The following KIF13B variants were observed in gnomAD, a reference collection of about 807,000 sequenced individuals.
KIF13B encodes the protein kinesin-like protein KIF13B.
Under a neutral mutation model 222.0 loss-of-function variants are expected in KIF13B, and 127 were observed. The observed-to-expected ratio is 0.57, with a 90% CI of 0.50 to 0.66. The LOEUF (loss-of-function observed/expected upper bound fraction) is 0.66, where lower values mean the gene tolerates loss of function less well. KIF13B is among the 30% of genes least tolerant of loss of function. The pLI is 0.00. For synonymous variants in KIF13B, 976 were observed against 919.0 expected, an observed-to-expected ratio of 1.06 and a Z score of -1.12; for missense variants, 2,173 against 2,379.0, an observed-to-expected ratio of 0.91 and a Z score of 1.80.
At chr8:29,211,079 G>A (rs968996259) in intron 2 of KIF13B, among the ~76,000 whole-genome samples, 8 of 152,222 alleles carry the variant, frequency 5.3e-5, no homozygotes, top group South Asian at 2.1e-4. Context: ...TGTGCTTTCC[G>A]TAAGACTGAG....
rs377446510 is a variant in KIF13B at position 29,092,846 on chromosome 8, G to C, written c.4357C>G (p.Pro1453Ala). ...ATTTGCGGCACGAAGGATTTGACAG[G>C]ATTCAAGTAGGATGCTGCAAGGTTA... ...LSNLAASYLN[P>A]VKSFVPQMPK... Residue 1453 changes from proline (P) to alanine (A), a missense_variant, in exon 37 of 40, where the codon CCT (proline) becomes GCT (alanine). Transcript: ENST00000524189. 6.2e-7 allele frequency: 1 copy of C among 1,612,060 alleles called. No individual in the cohort carries two copies. Among genetic ancestry groups the C allele is most frequent in the African/African-American group, 1.3e-5 (1 of 74,892 alleles).
In KIF13B at chr8:29,122,621, G is replaced by A. The variant is rs759109548; in HGVS notation, c.3505C>T (p.His1169Tyr). ...EWTPVPGMET[H>Y]IPVIFLDLNA... ...AAGTCCAGGAATATAACAGGAATGTGTGTCTCCATCCCAGGTACTGGGGTC... is the reference window on the plus strand; with the variant it reads ...AAGTCCAGGAATATAACAGGAATGTATGTCTCCATCCCAGGTACTGGGGTC... Residue 1169 changes from histidine to tyrosine, a missense_variant, in exon 29 of 40, where the codon CAC becomes TAC. By Grantham distance (83) the His-to-Tyr change is moderately conservative. Transcript: ENST00000524189. The A allele has an allele frequency of 7.6e-5, 123 of 1,610,098 alleles. No homozygotes were observed. The highest frequency in any genetic ancestry group is 1.0e-4 in the Non-Finnish European group (120 of 1,178,186).
chr8:29,231,692 T>G (rs1397122628), intron 2 of KIF13B, among the ~76,000 whole-genome samples: 2 of 152,202 alleles, frequency 1.3e-5, no homozygotes, highest in Non-Finnish European at 2.9e-5. Flanking sequence ...CCGATTCTTA[T>G]GACAGTTTGC....
At chr8:29,260,502 ATAATAC>A (rs1816640408) in intron 1 of KIF13B, among the ~76,000 whole-genome samples, 1 of 152,240 alleles carries the variant, frequency 6.6e-6, no homozygotes, top group Non-Finnish European at 1.5e-5. Flanking sequence ...ACAGTATTAC[ATAATAC>A]TAATAACTGT....
Position 29,071,557 on chromosome 8 carries a change from G to T in KIF13B, c.5218+63C>A. 7.0e-7 allele frequency: 1 copy of T among 1,430,248 alleles called. No homozygotes were observed. The highest frequency in any genetic ancestry group is 9.5e-7 in the Non-Finnish European group (1 of 1,049,472). 88.6% of individuals were successfully genotyped at this position (1,430,248 alleles called of 1,614,324 possible). On this transcript the variant is annotated intron_variant, in intron 39 of 39. Coordinates refer to ENST00000524189, the MANE Select transcript of KIF13B (RefSeq NM_015254.4). This position sits in a 1 kb window ranked among gnomAD's most constrained non-coding sequence, Gnocchi z 4.9. ...CCGGACCCTGTCCCCTCCCAGGCCGGCCACGTTCCTGCTTCCCCAGACCCC... is the reference window on the plus strand; with the variant it reads ...CCGGACCCTGTCCCCTCCCAGGCCGTCCACGTTCCTGCTTCCCCAGACCCC...
At chr8:29,193,071 G>A (rs1035063725) in intron 3 of KIF13B, among the ~76,000 whole-genome samples, 2 of 152,044 alleles carry the variant, frequency 1.3e-5, no homozygotes, top group Non-Finnish European at 2.9e-5. Context: ...GGTGAGGATC[G>A]GCACACCTGC....
chr8:29,141,144 C>G (rs999551489), intron 19 of KIF13B, among the ~76,000 whole-genome samples: 1 of 151,956 alleles, frequency 6.6e-6, no homozygotes, highest in Non-Finnish European at 1.5e-5. Flanking sequence ...GACCAGCCTG[C>G]CCAACATGGT....
At chr8:29,204,040 A>G (rs1189555096) in intron 2 of KIF13B, among the ~76,000 whole-genome samples, 2 of 152,168 alleles carry the variant, frequency 1.3e-5, no homozygotes, top group African/African-American at 2.4e-5. Context: ...CCTGTGTCCA[A>G]TCCCACTCAG....
chr8:29,097,969 A>G (rs747929197), intron 36 of KIF13B, among the ~76,000 whole-genome samples: 1 of 151,594 alleles, frequency 6.6e-6, no homozygotes, highest in Non-Finnish European at 1.5e-5. Flanking sequence ...CAGGAGATAG[A>G]GACCAACCTG....
At chr8:29,144,481 C>T (rs1026447194) in intron 18 of KIF13B, among the ~76,000 whole-genome samples, 29 of 152,280 alleles carry the variant, frequency 1.9e-4, no homozygotes, top group African/African-American at 5.5e-4. Context: ...TGGTCTCGAA[C>T]TCCTGACCTC....
In KIF13B at chr8:29,228,471, A is replaced by AT. The variant is rs1233967806; in HGVS notation, c.149+16874_149+16875insA. Among the ~76,000 whole-genome samples the AT allele has an allele frequency of 2.2e-3, 255 of 114,916 alleles. 7 individuals are homozygous for AT. Among genetic ancestry groups the AT allele is most frequent in the African/African-American group, 6.8e-3 (234 of 34,276 alleles). 75.4% of individuals were successfully genotyped at this position (114,916 alleles called of 152,430 possible). A position where few individuals can be genotyped will look rare whatever the true frequency, so the allele number is the denominator to read the frequency against. On this transcript the variant is annotated intron_variant, in intron 2 of 39. Transcript: ENST00000524189. Reference sequence around the variant, plus strand: ...GACAGAGCCAGACTCCATCTTAAAAAAATATATATATATATATATGAGATA... The same window carrying AT: ...GACAGAGCCAGACTCCATCTTAAAAATAATATATATATATATATATGAGATA...
At chr8:29,103,289 A>G (rs928886509) in intron 35 of KIF13B, among the ~76,000 whole-genome samples, 1 of 151,722 alleles carries the variant, frequency 6.6e-6, no homozygotes, top group Non-Finnish European at 1.5e-5. Flanking sequence ...AAAAAAAATG[A>G]TTTTGTCTTG....
At chr8:29,076,411 C>CT (rs546132352) in intron 37 of KIF13B, among the ~76,000 whole-genome samples, 19 of 152,354 alleles carry the variant, frequency 1.2e-4, no homozygotes, top group African/African-American at 4.3e-4. Context: ...GACTCCACGT[C>CT]TCCCACCTCC....
intron 2 of KIF13B, among the ~76,000 whole-genome samples, chr8:29,203,694 C>T (rs1238427275): frequency 1.3e-5 from 2 of 151,982 alleles, no homozygotes; most frequent in East Asian, 1.9e-4. Context: ...AGTTCGAGAC[C>T]AGCCTGGCCA....
chr8:29,139,525 C>T (rs79239570), intron 21 of KIF13B, among the ~76,000 whole-genome samples: 2,456 of 152,272 alleles, frequency 0.016, 63 homozygotes, highest in African/African-American at 0.056. Flanking sequence ...TCTCAATATA[C>T]GCGAAGTCTT....
upstream of KIF13B, chr8:29,263,116 G>C (rs1816752232): frequency 1.5e-6 from 2 of 1,315,678 alleles, no homozygotes; most frequent in Non-Finnish European, 2.1e-6. Flanking sequence ...GCGGGAGGGG[G>C]CCGGGGGCGG....
rs764190373 is a variant in KIF13B, at chr8:29,092,735, T to C, written c.4458+10A>G. ...AAAACGTTCACAGCTGTTTTCTCGGTGCTTTTTACCTGGTGTGCGAGGGGA... is the reference window on the plus strand; with the variant it reads ...AAAACGTTCACAGCTGTTTTCTCGGCGCTTTTTACCTGGTGTGCGAGGGGA... On this transcript the variant is annotated intron_variant, in intron 37 of 39. Transcript: ENST00000524189. The C allele has an allele frequency of 4.4e-6, 7 of 1,604,046 alleles. No homozygotes were observed. In the South Asian group the frequency reaches 7.8e-5, roughly 18 times the overall value.
intron 12 of KIF13B, among the ~76,000 whole-genome samples, chr8:29,163,498 A>G (rs927605159): frequency 3.3e-5 from 5 of 152,218 alleles, no homozygotes; most frequent in Non-Finnish European, 5.9e-5. Context: ...GAAATTGCCA[A>G]ATTTATCTGA....
chr8:29,147,569 T>C lies in KIF13B; in HGVS notation c.1847A>G (p.Gln616Arg), dbSNP rs764501247. ...PMQSILNSLE[Q>R]QHEEEKRSAL... ...AGATCGTTTTTCTTCTTCATGCTGT[T>C]GTTCTAAGCTGTTTAATATGGACTG... Residue 616 changes from glutamine (Q) to arginine (R), a missense_variant, in exon 17 of 40, where the codon CAA becomes CGA. Coordinates refer to ENST00000524189, the MANE Select transcript of KIF13B (RefSeq NM_015254.4). 6.2e-7 allele frequency: 1 copy of C among 1,613,354 alleles called. No individual in the cohort carries two copies. The highest frequency in any genetic ancestry group is 8.5e-7 in the Non-Finnish European group (1 of 1,179,778).
Sources: allele counts gnomAD v4.1 joint callset (sites outside exome capture counted in the v4.1 genomes callset), GRCh38; gene constraint gnomAD v4.1.1; non-coding constraint Gnocchi (gnomAD v3.1); transcripts MANE v1.5; gene names NCBI Gene and HGNC (gene_info 2026-07-23, HGNC 2026-07-21).